ARPC1B: variants seen among roughly 807,000 people sequenced by gnomAD.
The protein encoded by ARPC1B is actin related protein 2/3 complex subunit 1B.
ARPC1B carries 29 observed loss-of-function variants against 46.0 expected under a neutral mutation model. The observed-to-expected ratio is 0.63, with a 90% CI of 0.47 to 0.86. The LOEUF is 0.86. Among genes scored for constraint, ARPC1B ranks in the 40% least tolerant of loss-of-function variants. The probability of loss-of-function intolerance (pLI) is 0.00; values close to 1 mark genes in which losing one functional copy is unlikely to be tolerated. For missense variants in ARPC1B, 469 were observed against 529.4 expected, an observed-to-expected ratio of 0.89 and a Z score of 1.12; for synonymous variants, 201 against 213.9, an observed-to-expected ratio of 0.94 and a Z score of 0.53.
intron 1 of ARPC1B, among the ~76,000 whole-genome samples, chr7:99,375,163 G>A (rs920012136): frequency 2.4e-4 from 36 of 151,790 alleles, no homozygotes; most frequent in Non-Finnish European, 4.1e-4. Context: ...CGTGCCTTCC[G>A]CCCCTGCTCC....
chr7:99,384,908 C>T (rs1485811646), intron 1 of ARPC1B, among the ~76,000 whole-genome samples: 2 of 148,622 alleles, frequency 1.3e-5, no homozygotes, highest in African/African-American at 5.0e-5. Flanking sequence ...GTCACCCAGC[C>T]TCCTGAGTAG....
At chr7:99,389,232 C>G (rs112605947) in intron 4 of ARPC1B, 3,998 of 151,214 alleles carry the variant, frequency 0.026, 73 homozygotes, top group Non-Finnish European at 0.04. Flanking sequence ...CCACTGCGCC[C>G]GGCCATATAT....
chr7:99,394,805 A>C lies in ARPC1B; in HGVS notation c.*316A>C. The C allele has an allele frequency of 8.3e-7, 1 of 1,207,120 alleles. No individual in the cohort carries two copies. 74.8% of individuals were successfully genotyped at this position (1,207,120 alleles called of 1,614,324 possible). The stretch of plus-strand genomic sequence containing the variant: ...AAAAAAAAAAAAAAAAAAAAAAGTA[A>C]TTATGGACATGCTTGCCTATGTGGA... On this transcript the variant is annotated 3_prime_UTR_variant, in exon 10 of 10. Transcript: ENST00000646101.
chr7:99,393,135 A>G (rs1387435091), intron 8 of ARPC1B, among the ~76,000 whole-genome samples: 1 of 152,094 alleles, frequency 6.6e-6, no homozygotes, highest in African/African-American at 2.4e-5. Flanking sequence ...CGTGGGGCGG[A>G]GGCCGGCAGA....
At chr7:99,390,371 T>C (rs1359220395) in intron 5 of ARPC1B, among the ~76,000 whole-genome samples, 1 of 144,598 alleles carries the variant, frequency 6.9e-6, no homozygotes, top group African/African-American at 2.5e-5. Flanking sequence ...TAGACAGGAT[T>C]TTTTTTTTTT....
At chr7:99,385,514 A>C (rs1794363359) in intron 1 of ARPC1B, among the ~76,000 whole-genome samples, 188 bp from the exon 2 acceptor site, 1 of 152,114 alleles carries the variant, frequency 6.6e-6, no homozygotes, top group Admixed American at 6.5e-5. Flanking sequence ...CCAGGAGGGG[A>C]AGCAACATGT....
chr7:99,385,882 T>G (rs1199577730), intron 2 of ARPC1B, 104 bp downstream of exon 2: 1 of 1,201,904 alleles, frequency 8.3e-7, no homozygotes, highest in African/African-American at 1.5e-5. Context: ...CCCCGGACCA[T>G]GGGCTCCATG....
intron 1 of ARPC1B, among the ~76,000 whole-genome samples, chr7:99,376,955 G>A (rs1184295851): frequency 6.6e-6 from 1 of 151,756 alleles, no homozygotes; most frequent in Non-Finnish European, 1.5e-5. Context: ...AAATCGCCCT[G>A]ATAGATGCCG....
Position 99,392,685 on chromosome 7 carries a change from C to T in ARPC1B, c.798C>T (p.Phe266=), listed in dbSNP as rs1377793310. ...CCTCCGCGCAGGGCCACGACTGCTT[C>T]CCGGTGCTGTTCACCTATGACGCCG... is the stretch of plus-strand genomic sequence containing the variant. ...NSLVAAGHDC[F]PVLFTYDAAA... is the part of the protein sequence containing the mutation. The change falls in exon 8 of 10, where the codon TTC becomes TTT. Residue 266 remains phenylalanine, a synonymous_variant. Transcript: ENST00000646101. The T allele has an allele frequency of 2.6e-6, 4 of 1,536,516 alleles. No homozygotes were observed. Among genetic ancestry groups the T allele is most frequent in the Admixed American group, 2.0e-5 (1 of 50,506 alleles).
At chr7:99,380,659 G>A (rs879425320) in intron 1 of ARPC1B, among the ~76,000 whole-genome samples, 2 of 152,200 alleles carry the variant, frequency 1.3e-5, no homozygotes, top group Admixed American at 1.3e-4. Context: ...CACACGTGGG[G>A]GTTGCTGTCT....
At chr7:99,376,385 C>T (rs1197849237) in intron 1 of ARPC1B, 2 of 152,192 alleles carry the variant, frequency 1.3e-5, no homozygotes, top group Non-Finnish European at 2.9e-5. Flanking sequence ...GGCAGCGTGT[C>T]AGGCGCTGAC....
At position 99,392,671 on chromosome 7, in the gene ARPC1B, G is replaced by C; in HGVS notation, c.784G>C (p.Gly262Arg). Reference protein sequence around the residue: ...FITDNSLVAAGHDCFPVLFTY... With the variant: ...FITDNSLVAARHDCFPVLFTY... ...CCAATGGCCCCCGCCCTCCGCGCAG[G>C]GCCACGACTGCTTCCCGGTGCTGTT... Residue 262 changes from glycine (G) to arginine (R), a missense_variant and splice_region_variant, in exon 8 of 10, where the codon GGC becomes CGC. Physicochemically the swap from Gly to Arg is moderately radical, Grantham distance 125 (BLOSUM62 -2). Coordinates refer to ENST00000646101, the MANE Select transcript of ARPC1B (RefSeq NM_005720.4). 1 of 1,523,890 alleles carries C rather than the reference G, an allele frequency of 6.6e-7. No individual in the cohort carries two copies. The highest frequency in any genetic ancestry group is 8.9e-7 in the Non-Finnish European group (1 of 1,129,504). 94.4% of individuals were successfully genotyped at this position (1,523,890 alleles called of 1,614,324 possible).
intron 8 of ARPC1B, among the ~76,000 whole-genome samples, chr7:99,393,493 G>A (rs534736636): frequency 1.3e-5 from 2 of 152,178 alleles, no homozygotes; most frequent in African/African-American, 4.8e-5. Flanking sequence ...TAGCGAGGTG[G>A]GGGCGGAGCT....
chr7:99,375,877 C>G (rs1452406181), intron 1 of ARPC1B, among the ~76,000 whole-genome samples: 1 of 152,144 alleles, frequency 6.6e-6, no homozygotes, highest in African/African-American at 2.4e-5. Flanking sequence ...GCCTGACCGA[C>G]ATGGTGAAAC....
At chr7:99,382,821 T>TC (rs1334694594) in intron 1 of ARPC1B, among the ~76,000 whole-genome samples, 1 of 149,918 alleles carries the variant, frequency 6.7e-6, no homozygotes, top group African/African-American at 2.5e-5. Flanking sequence ...AGTTATTTTT[T>TC]CACACACATT....
At position 99,394,456 on chromosome 7, in the gene ARPC1B, G is replaced by C; in HGVS notation, c.1086G>C (p.Leu362Phe). Reference sequence around the variant, plus strand: ...TCCGTTCTGCCTCCCTGCAGAGCTTGGAGTCAGCCTTGAAGGACCTCAAGA... The same window carrying C: ...TCCGTTCTGCCTCCCTGCAGAGCTTCGAGTCAGCCTTGAAGGACCTCAAGA... ...GGMSIWDVKS[L>F]ESALKDLKIK Residue 362 changes from leucine (L) to phenylalanine (F), a missense_variant, in exon 10 of 10, where the codon TTG becomes TTC. Coordinates refer to ENST00000646101, the MANE Select transcript of ARPC1B (RefSeq NM_005720.4). The C allele has an allele frequency of 1.2e-6, 2 of 1,613,906 alleles. No homozygotes were observed. Among genetic ancestry groups the C allele is most frequent in the South Asian group, 1.1e-5 (1 of 91,080 alleles).
At chr7:99,375,457 C>A (rs1794008882) in intron 1 of ARPC1B, among the ~76,000 whole-genome samples, 1 of 152,180 alleles carries the variant, frequency 6.6e-6, no homozygotes, top group Admixed American at 6.5e-5. Flanking sequence ...GCTCCGCGGC[C>A]AGGGCAGATC....
At chr7:99,389,103 A>G (rs1383753449) in intron 4 of ARPC1B, 1 of 150,470 alleles carries the variant, frequency 6.6e-6, no homozygotes, top group African/African-American at 2.5e-5. Context: ...CGCCAGGCTA[A>G]TTTTGTATTT....
intron 8 of ARPC1B, 126 bp from the exon 9 acceptor site, chr7:99,393,879 GCAGAACTGACTTCTAAGCCCACTA>G (rs1021548304): frequency 6.9e-4 from 508 of 732,882 alleles, no homozygotes; most frequent in Non-Finnish European, 1.2e-3. Flanking sequence ...TGTCCCCAAG[GCAGAACTGACTTCTAAGCCCACTA>G]CACCCCCTCG....
Sources: allele counts gnomAD v4.1 joint callset (sites outside exome capture counted in the v4.1 genomes callset), GRCh38; gene constraint gnomAD v4.1.1; transcripts MANE v1.5; gene names NCBI Gene and HGNC (gene_info 2026-07-23, HGNC 2026-07-21).